CLSTN2: variants seen among roughly 807,000 people sequenced by gnomAD.
CLSTN2 encodes calsyntenin 2.
CLSTN2 carries 48 observed loss-of-function variants against 101.2 expected under a neutral mutation model. That is an observed-to-expected ratio of 0.47 (90% CI 0.38 to 0.60). The LOEUF is 0.60. Ranked by LOEUF, CLSTN2 falls within the 20% of genes least tolerant of loss-of-function variation. The pLI is 0.00. For synonymous variants in CLSTN2, 481 were observed against 463.6 expected (o/e 1.04, Z -0.48); for missense variants, 1,160 against 1,238.2 (o/e 0.94, Z 0.95).
chr3:140,555,132 G>C (rs1388693312), intron 10 of CLSTN2, among the ~76,000 whole-genome samples: 1 of 152,206 alleles, frequency 6.6e-6, no homozygotes, highest in Non-Finnish European at 1.5e-5. Context: ...CGATGGACTA[G>C]CCCCTAAAGG....
At chr3:139,944,387 G>C (rs550912367) in intron 1 of CLSTN2, among the ~76,000 whole-genome samples, 4 of 152,310 alleles carry the variant, frequency 2.6e-5, no homozygotes, top group South Asian at 4.1e-4. Context: ...ATTGCTCAGG[G>C]ACAGCACCTG....
chr3:140,518,962 T>C, intron 8 of CLSTN2, among the ~76,000 whole-genome samples: 1 of 151,870 alleles, frequency 6.6e-6, no homozygotes, highest in Middle Eastern at 3.2e-3. Context: ...GATGTGGGCA[T>C]TTAGTGCTAT....
chr3:140,269,687 TTTATAGGAAG>T (rs1390331455), intron 2 of CLSTN2, among the ~76,000 whole-genome samples: 3 of 152,148 alleles, frequency 2.0e-5, no homozygotes, highest in African/African-American at 4.8e-5. Context: ...GACCACATTA[TTTATAGGAAG>T]TTATAGGAAG....
intron 2 of CLSTN2, among the ~76,000 whole-genome samples, chr3:140,304,662 C>G (rs1450594384): frequency 6.6e-6 from 1 of 152,158 alleles, no homozygotes; most frequent in African/African-American, 2.4e-5. Flanking sequence ...CCATAATACC[C>G]TGTTTGGATT....
rs114553666 is a variant in CLSTN2 at position 140,005,476 on chromosome 3, C to T, written c.109+69993C>T. Among the ~76,000 whole-genome samples the T allele has an allele frequency of 9.9e-3, 1,507 of 152,200 alleles. 30 individuals carry two copies. The highest frequency in any genetic ancestry group is 0.034 in the African/African-American group (1,408 of 41,512). On this transcript the variant is annotated intron_variant, in intron 1 of 16. Coordinates refer to ENST00000458420, the MANE Select transcript of CLSTN2 (RefSeq NM_022131.3). ...ATCAGGGCCCTAGATCTTCGTTCAC[C>T]CCCTGCCCACCAGGACTCACACACA...
rs184219310 is a variant in CLSTN2, at chr3:140,569,260, C to G, written c.*3007C>G. 1.3e-5 allele frequency: 2 copies of G among 152,286 alleles called. No homozygotes were observed. Among genetic ancestry groups the G allele is most frequent in the Admixed American group, 1.3e-4 (2 of 15,286 alleles). The allele number at this position is 152,286 out of a possible 1,614,324, so 9.4% of individuals were successfully genotyped here. The stretch of plus-strand genomic sequence containing the variant: ...TGCTGGCATCCAGGAACCAAAACCC[C>G]TGAAGGCCTAGACACCCTATGACCT... On this transcript the variant is annotated 3_prime_UTR_variant, in exon 17 of 17. Coordinates refer to ENST00000458420, the MANE Select transcript of CLSTN2 (RefSeq NM_022131.3).
chr3:140,057,429 C>T (rs2008117281), intron 1 of CLSTN2, among the ~76,000 whole-genome samples: 2 of 152,202 alleles, frequency 1.3e-5, no homozygotes, highest in South Asian at 4.1e-4. Context: ...ACTTGTTGGC[C>T]TTCCCTGACA....
chr3:140,452,695 C>A (rs917101428), intron 6 of CLSTN2: 1 of 152,178 alleles, frequency 6.6e-6, no homozygotes, highest in Non-Finnish European at 1.5e-5. Context: ...CTTGAAATGA[C>A]TCTTTGGGCC....
intron 2 of CLSTN2, among the ~76,000 whole-genome samples, chr3:140,215,087 T>C (rs1420273244): frequency 6.6e-6 from 1 of 152,270 alleles, no homozygotes; most frequent in East Asian, 1.9e-4. Flanking sequence ...GGTGGGAAGA[T>C]TCTCTTTTCT....
At chr3:139,940,290 C>A (rs115942993) in intron 1 of CLSTN2, among the ~76,000 whole-genome samples, 1 of 152,286 alleles carries the variant, frequency 6.6e-6, no homozygotes, top group African/African-American at 2.4e-5. Context: ...AAAATTTGGG[C>A]ATATGGCCAG....
chr3:140,530,038 A>C (rs554897744), intron 8 of CLSTN2, among the ~76,000 whole-genome samples: 1 of 152,352 alleles, frequency 6.6e-6, no homozygotes, highest in South Asian at 2.1e-4. Context: ...AAGAGTCTTA[A>C]AAATACCTCC....
intron 1 of CLSTN2, among the ~76,000 whole-genome samples, chr3:140,087,338 T>C (rs994155056): frequency 6.6e-6 from 1 of 152,224 alleles, no homozygotes; most frequent in Admixed American, 6.5e-5. Context: ...GCAAATGAGC[T>C]GATTAAAGGT....
chr3:140,421,345 C>G (rs551787668), intron 5 of CLSTN2, 71 bp downstream of exon 5: 1 of 1,541,970 alleles, frequency 6.5e-7, no homozygotes, highest in South Asian at 1.2e-5. Context: ...TACTTGTCCT[C>G]AAATCATCAC....
At chr3:140,232,650 C>G (rs1206400220) in intron 2 of CLSTN2, among the ~76,000 whole-genome samples, 2 of 152,160 alleles carry the variant, frequency 1.3e-5, no homozygotes, top group East Asian at 3.9e-4. Flanking sequence ...TCCAGACACT[C>G]AAAGTCAGCA....
chr3:140,300,307 C>T (rs1433672925), intron 2 of CLSTN2, among the ~76,000 whole-genome samples: 2 of 152,176 alleles, frequency 1.3e-5, no homozygotes, highest in Admixed American at 1.3e-4. Context: ...TTCTTTGATG[C>T]TGATTAATGC....
At chr3:140,304,191 C>T (rs185701337) in intron 2 of CLSTN2, among the ~76,000 whole-genome samples, 91 of 152,234 alleles carry the variant, frequency 6.0e-4, no homozygotes, top group African/African-American at 2.1e-3. Context: ...TGTGGCTAAC[C>T]TAAAACTCCT....
chr3:140,363,058 A>G (rs1174538106), intron 2 of CLSTN2, among the ~76,000 whole-genome samples: 2 of 152,214 alleles, frequency 1.3e-5, no homozygotes, highest in Non-Finnish European at 2.9e-5. Flanking sequence ...TATTTATAGT[A>G]GCCCAAAAGT....
intron 2 of CLSTN2, among the ~76,000 whole-genome samples, chr3:140,197,820 C>T (rs1168368401): frequency 6.6e-6 from 1 of 152,114 alleles, no homozygotes; most frequent in East Asian, 1.9e-4. Flanking sequence ...GGCAGAAGAC[C>T]TCAGTTTTAG....
chr3:140,212,367 G>A (rs2010866713), intron 2 of CLSTN2, among the ~76,000 whole-genome samples: 1 of 152,296 alleles, frequency 6.6e-6, no homozygotes, highest in South Asian at 2.1e-4. Flanking sequence ...TCGGTTTGGG[G>A]TAACATTTTT....
Sources: allele counts gnomAD v4.1 joint callset (sites outside exome capture counted in the v4.1 genomes callset), GRCh38; gene constraint gnomAD v4.1.1; transcripts MANE v1.5; gene names NCBI Gene and HGNC (gene_info 2026-07-23, HGNC 2026-07-21).